PRKN: variants seen among roughly 807,000 people sequenced by gnomAD.
PRKN encodes parkin RBR E3 ubiquitin protein ligase, also known as E3 ubiquitin-protein ligase parkin.
PRKN carries 56 observed loss-of-function variants against 59.5 expected under a neutral mutation model. The observed-to-expected ratio is 0.94, with a 90% CI of 0.76 to 1.18. The LOEUF (loss-of-function observed/expected upper bound fraction) is 1.18. PRKN is among the 50% of genes most tolerant of loss of function. PRKN has a pLI of 0.00. For missense variants in PRKN, 657 were observed against 596.4 expected, an observed-to-expected ratio of 1.10 and a Z score of -1.06; for synonymous variants, 250 against 222.1, an observed-to-expected ratio of 1.13 and a Z score of -1.12.
intron 4 of PRKN, among the ~76,000 whole-genome samples, chr6:162,177,137 A>T (rs1345858863): frequency 1.3e-5 from 2 of 152,102 alleles, no homozygotes; most frequent in South Asian, 2.1e-4. Flanking sequence ...CTCACACCAA[A>T]ATCTAGAAAT....
intron 1 of PRKN, among the ~76,000 whole-genome samples, chr6:162,514,721 G>A (rs2128191486): frequency 6.6e-6 from 1 of 152,232 alleles, no homozygotes; most frequent in East Asian, 1.9e-4. Context: ...CTTAAGCCCA[G>A]GAGTATGAGA....
intron 2 of PRKN, among the ~76,000 whole-genome samples, chr6:162,430,164 C>T (rs978321701): frequency 2.3e-5 from 3 of 132,300 alleles, no homozygotes; most frequent in Non-Finnish European, 4.6e-5. Flanking sequence ...ACGATGACGA[C>T]GACGACGACG....
At chr6:162,259,882 A>G (rs1010573135) in intron 3 of PRKN, among the ~76,000 whole-genome samples, 2 of 152,220 alleles carry the variant, frequency 1.3e-5, no homozygotes, top group African/African-American at 4.8e-5. Context: ...ACTGGAGTAC[A>G]AAATAGCAAG....
chr6:162,216,928 T>A (rs1777700800), intron 3 of PRKN, among the ~76,000 whole-genome samples: 1 of 152,202 alleles, frequency 6.6e-6, no homozygotes, highest in African/African-American at 2.4e-5. Context: ...TTAGGTTTAA[T>A]TTAACTGGCA....
At chr6:161,839,381 C>G (rs1442499409) in intron 6 of PRKN, among the ~76,000 whole-genome samples, 1 of 152,030 alleles carries the variant, frequency 6.6e-6, no homozygotes, top group Non-Finnish European at 1.5e-5. Flanking sequence ...TAATAATAAG[C>G]AAATCACTGG....
intron 7 of PRKN, among the ~76,000 whole-genome samples, chr6:161,771,314 C>A (rs1431111539): frequency 2.0e-5 from 3 of 149,742 alleles, no homozygotes; most frequent in African/African-American, 7.4e-5. Context: ...CGAGATCGCG[C>A]CACTGCGCTC....
chr6:161,362,538 G>A lies in PRKN; in HGVS notation c.1168-2333C>T, dbSNP rs1237634426. On this transcript the variant is annotated intron_variant, in intron 10 of 11. Transcript: ENST00000366898. The surrounding 1 kb of genome is among the most constrained non-coding windows in gnomAD (Gnocchi z 5.2). ...AAAAGCCCGCCCTGAAGAGATAATT[G>A]ACAGATATGTGCTGGTCTCAGGCTG... Among the ~76,000 whole-genome samples, 2 of 152,204 alleles carry A rather than the reference G, an allele frequency of 1.3e-5. No individual in the cohort carries two copies. Among genetic ancestry groups the A allele is most frequent in the Middle Eastern group, 3.2e-3 (1 of 316 alleles).
At chr6:161,741,195 G>T (rs1363554580) in intron 7 of PRKN, among the ~76,000 whole-genome samples, 1 of 152,152 alleles carries the variant, frequency 6.6e-6, no homozygotes, top group Non-Finnish European at 1.5e-5. Context: ...AAGCTGAAGG[G>T]CATCTGTCAG....
At chr6:162,551,161 G>C (rs909778278) in intron 1 of PRKN, among the ~76,000 whole-genome samples, 1 of 152,040 alleles carries the variant, frequency 6.6e-6, no homozygotes, top group Non-Finnish European at 1.5e-5. Flanking sequence ...TCTATTAACA[G>C]GTCTGCCAGT....
rs555116080 is a variant in PRKN, at chr6:162,597,665, C to T, written c.7+129997G>A. 1.2e-4 allele frequency among the ~76,000 whole-genome samples: 19 copies of T among 152,240 alleles called. 1 individual carries two copies. The East Asian group carries it at 3.7e-3, about 29-fold the overall frequency. ...CACCCTCCAATCTTGATTCTTACTCCCAACAGACATAGATTGAACTTTTAT... is the reference window on the plus strand; with the variant it reads ...CACCCTCCAATCTTGATTCTTACTCTCAACAGACATAGATTGAACTTTTAT... On this transcript the variant is annotated intron_variant, in intron 1 of 11. Coordinates refer to ENST00000366898, the MANE Select transcript of PRKN (RefSeq NM_004562.3).
chr6:161,661,332 A>T (rs915031667), intron 7 of PRKN, among the ~76,000 whole-genome samples: 4 of 152,030 alleles, frequency 2.6e-5, no homozygotes, highest in African/African-American at 9.7e-5. Context: ...GGTTACATCC[A>T]CTGCTGTCTA....
At chr6:161,936,654 T>G (rs993734508) in intron 6 of PRKN, among the ~76,000 whole-genome samples, 11 of 152,166 alleles carry the variant, frequency 7.2e-5, no homozygotes, top group Non-Finnish European at 4.4e-5. Flanking sequence ...CACCAGAGAC[T>G]CCTCCTGCAC....
intron 3 of PRKN, among the ~76,000 whole-genome samples, chr6:162,235,984 A>AG (rs1778679856): frequency 9.3e-6 from 1 of 108,040 alleles, no homozygotes; most frequent in Non-Finnish European, 1.8e-5. Flanking sequence ...AAAGAAAGAA[A>AG]GAAAGAAAGA....
At chr6:162,632,996 T>C (rs1395062717) in intron 1 of PRKN, among the ~76,000 whole-genome samples, 1 of 152,128 alleles carries the variant, frequency 6.6e-6, no homozygotes. Context: ...TATTAAATAG[T>C]GTTAAGTTTC....
intron 2 of PRKN, among the ~76,000 whole-genome samples, chr6:162,334,759 C>T (rs542537410): frequency 4.6e-5 from 7 of 152,232 alleles, no homozygotes; most frequent in Admixed American, 3.9e-4. Flanking sequence ...TCTTTGAAAA[C>T]CTTCTGGAAA....
intron 8 of PRKN, among the ~76,000 whole-genome samples, chr6:161,559,751 G>A (rs573092703): frequency 8.5e-5 from 13 of 152,316 alleles, no homozygotes; most frequent in Admixed American, 5.9e-4. Context: ...TTTTGTGTAA[G>A]GCTACGGGTG....
intron 2 of PRKN, among the ~76,000 whole-genome samples, chr6:162,394,505 T>C (rs1787376886): frequency 6.6e-6 from 1 of 152,194 alleles, no homozygotes; most frequent in Admixed American, 6.5e-5. Flanking sequence ...CTATGAAGGA[T>C]AGCTTTTTAT....
chr6:162,012,683 C>T (rs1049677291), intron 5 of PRKN, among the ~76,000 whole-genome samples: 1 of 152,006 alleles, frequency 6.6e-6, no homozygotes, highest in Non-Finnish European at 1.5e-5. Context: ...ACACCCAAGC[C>T]CCCCAAATTG....
chr6:162,302,914 A>G (rs1782023926), intron 2 of PRKN, among the ~76,000 whole-genome samples: 3 of 151,230 alleles, frequency 2.0e-5, no homozygotes, highest in Admixed American at 2.0e-4. Context: ...CTCATTGAAC[A>G]TTATCATAAT....
Sources: allele counts gnomAD v4.1 joint callset (sites outside exome capture counted in the v4.1 genomes callset), GRCh38; gene constraint gnomAD v4.1.1; non-coding constraint Gnocchi (gnomAD v3.1); transcripts MANE v1.5; gene names NCBI Gene and HGNC (gene_info 2026-07-23, HGNC 2026-07-21).